CTNNA3: variants seen among roughly 807,000 people sequenced by gnomAD.
CTNNA3 encodes catenin alpha-3.
CTNNA3 carries 76 observed loss-of-function variants against 95.7 expected under a neutral mutation model. The observed-to-expected ratio is 0.79, with a 90% CI of 0.66 to 0.96. The LOEUF is 0.96. Among genes scored for constraint, CTNNA3 ranks in the 40% least tolerant of loss-of-function variants. The pLI, the probability that CTNNA3 is intolerant of heterozygous loss-of-function variation, is 0.00. For missense variants in CTNNA3, 1,191 were observed against 1,089.8 expected (o/e 1.09, Z -1.31); for synonymous variants, 431 against 374.4 (o/e 1.15, Z -1.74).
intron 14 of CTNNA3, among the ~76,000 whole-genome samples, chr10:66,069,725 G>A (rs972171968): frequency 3.3e-5 from 5 of 151,996 alleles, no homozygotes; most frequent in African/African-American, 1.2e-4. Flanking sequence ...TGTAGAACTT[G>A]GTGTCCAACA....
intron 13 of CTNNA3, among the ~76,000 whole-genome samples, chr10:66,219,642 A>T (rs2088797041): frequency 6.6e-6 from 1 of 151,842 alleles, no homozygotes. Flanking sequence ...CTTTTTTGAA[A>T]CTGCACCTCT....
intron 7 of CTNNA3, among the ~76,000 whole-genome samples, chr10:66,925,148 T>C (rs906675077): frequency 5.9e-5 from 9 of 152,182 alleles, no homozygotes; most frequent in South Asian, 4.1e-4. Flanking sequence ...TGGTTCGGCA[T>C]AAGAATGACT....
intron 4 of CTNNA3, among the ~76,000 whole-genome samples, chr10:67,524,061 A>G (rs1387164293): frequency 2.0e-5 from 3 of 152,168 alleles, no homozygotes; most frequent in African/African-American, 7.2e-5. Flanking sequence ...ATCTCTGTAA[A>G]CATTATACAA....
rs142962284 is a variant in CTNNA3 at position 66,952,249 on chromosome 10, T to C, written c.1048-176725A>G. On this transcript the variant is annotated intron_variant, in intron 7 of 17. Transcript: ENST00000433211. ...AAAGAATACTCATTGTAATTGAAAC[T>C]ATGCAGGGGACAGAGCTTCCCAGAT... Among the ~76,000 whole-genome samples, 23 of 152,262 alleles carry C rather than the reference T, an allele frequency of 1.5e-4. 1 individual carries two copies. The East Asian group carries it at 4.3e-3, about 28-fold the overall frequency.
intron 13 of CTNNA3, among the ~76,000 whole-genome samples, chr10:66,263,447 C>T (rs144416681): frequency 6.4e-4 from 97 of 152,080 alleles, no homozygotes; most frequent in African/African-American, 2.2e-3. Flanking sequence ...AATTGTGTCA[C>T]TTTATGCTTA....
At chr10:66,548,485 G>A (rs1356016470) in intron 10 of CTNNA3, among the ~76,000 whole-genome samples, 2 of 151,970 alleles carry the variant, frequency 1.3e-5, no homozygotes, top group Non-Finnish European at 2.9e-5. Flanking sequence ...AAGTGTGATT[G>A]TAAACATCTT....
chr10:66,226,965 G>C (rs75604288), intron 13 of CTNNA3, among the ~76,000 whole-genome samples: 3,174 of 152,060 alleles, frequency 0.021, 45 homozygotes, highest in Middle Eastern at 0.044. Flanking sequence ...GTGGAGTCTA[G>C]ATTTTCCTAT....
intron 5 of CTNNA3, among the ~76,000 whole-genome samples, chr10:67,316,658 T>C (rs1365353820): frequency 6.6e-6 from 1 of 152,154 alleles, no homozygotes; most frequent in African/African-American, 2.4e-5. Flanking sequence ...GTTGAGATAA[T>C]ATAGCATAAA....
At chr10:67,341,769 A>G (rs1842200320) in intron 5 of CTNNA3, among the ~76,000 whole-genome samples, 1 of 152,054 alleles carries the variant, frequency 6.6e-6, no homozygotes, top group South Asian at 2.1e-4. Context: ...AGAAACCTCA[A>G]AACTGTTCTC....
At chr10:66,017,794 C>A (rs578212652) in intron 15 of CTNNA3, among the ~76,000 whole-genome samples, 19 of 152,176 alleles carry the variant, frequency 1.2e-4, no homozygotes, top group Non-Finnish European at 2.5e-4. Context: ...TTTACAGTGG[C>A]AGTTCAGAAT....
At chr10:66,941,045 C>T (rs1478419864) in intron 7 of CTNNA3, among the ~76,000 whole-genome samples, 2 of 152,190 alleles carry the variant, frequency 1.3e-5, no homozygotes, top group Admixed American at 6.5e-5. Flanking sequence ...CCAACATACT[C>T]TTAAAGACGA....
At chr10:66,418,112 TAAA>T (rs201086969) in intron 11 of CTNNA3, among the ~76,000 whole-genome samples, 38,576 of 135,054 alleles carry the variant, frequency 0.29, 5,185 homozygotes, top group South Asian at 0.41. Context: ...TTGAAAACAT[TAAA>T]AAAAAAAAAA....
intron 6 of CTNNA3, among the ~76,000 whole-genome samples, chr10:67,195,511 C>CG (rs1863317498): frequency 8.0e-6 from 1 of 124,854 alleles, no homozygotes; most frequent in Middle Eastern, 6.1e-3. Flanking sequence ...ATATCGGGGG[C>CG]GGGGGGCGGG....
At position 66,681,829 on chromosome 10, in the gene CTNNA3, C is replaced by T. The variant is rs1213293380; in HGVS notation, c.1282-60045G>A. On this transcript the variant is annotated intron_variant, in intron 9 of 17. Coordinates refer to ENST00000433211, the MANE Select transcript of CTNNA3 (RefSeq NM_013266.4). ...TTTTTCTTTTCATGTATACAAGATA[C>T]CTTTTTGGGGGTTTGTGTTTATTTC... Among the ~76,000 whole-genome samples, 17 of 152,166 alleles carry T rather than the reference C, an allele frequency of 1.1e-4. No homozygotes were observed. In the South Asian group the frequency reaches 1.2e-3, roughly 11 times the overall value.
chr10:65,964,060 G>GTCTGTAGTTTTGAATACCAAATT (rs2077907739), intron 17 of CTNNA3, among the ~76,000 whole-genome samples: 2 of 152,158 alleles, frequency 1.3e-5, no homozygotes, highest in African/African-American at 4.8e-5. Context: ...ACTTTGAATA[G>GTCTGTAGTTTTGAATACCAAATT]TCTGTAGTTT....
chr10:65,956,526 G>T (rs1369674707), intron 17 of CTNNA3, among the ~76,000 whole-genome samples: 1 of 152,112 alleles, frequency 6.6e-6, no homozygotes, highest in Non-Finnish European at 1.5e-5. Flanking sequence ...TGGGCATTTA[G>T]TGCTATAAAT....
At chr10:67,703,309 C>A (rs973353646) in intron 1 of CTNNA3, among the ~76,000 whole-genome samples, 1 of 148,390 alleles carries the variant, frequency 6.7e-6, no homozygotes, top group Non-Finnish European at 1.5e-5. Context: ...CAAAGCCTGG[C>A]AGAGACACAA....
At chr10:67,391,331 A>G (rs1427245010) in intron 5 of CTNNA3, among the ~76,000 whole-genome samples, 1 of 150,762 alleles carries the variant, frequency 6.6e-6, no homozygotes, top group East Asian at 2.0e-4. Flanking sequence ...TAAAATACCT[A>G]GGAATCCAAC....
At chr10:67,160,714 G>T (rs1321839244) in intron 7 of CTNNA3, among the ~76,000 whole-genome samples, 1 of 152,214 alleles carries the variant, frequency 6.6e-6, no homozygotes, top group Middle Eastern at 3.4e-3. Context: ...GGGATTACAG[G>T]TGTGAGCCAC....
Sources: allele counts gnomAD v4.1 joint callset (sites outside exome capture counted in the v4.1 genomes callset), GRCh38; gene constraint gnomAD v4.1.1; transcripts MANE v1.5; gene names NCBI Gene and HGNC (gene_info 2026-07-23, HGNC 2026-07-21).